The following CRHR1 variants were observed in gnomAD, a reference collection of about 807,000 sequenced individuals.
CRHR1 encodes corticotropin-releasing hormone receptor 1.
A neutral mutation model predicts 56.0 loss-of-function variants in CRHR1; 28 were observed. The observed-to-expected ratio is 0.50, with a 90% CI of 0.37 to 0.69. The LOEUF (loss-of-function observed/expected upper bound fraction) is 0.69. Ranked by LOEUF, CRHR1 falls within the 30% of genes least tolerant of loss-of-function variation. The probability of loss-of-function intolerance (pLI) is 0.00; values close to 1 mark genes in which losing one functional copy is unlikely to be tolerated. For synonymous variants in CRHR1, 195 were observed against 216.5 expected (o/e 0.90, Z 0.87); for missense variants, 376 against 548.0 (o/e 0.69, Z 3.13).
chr17:45,833,550 C>G lies in CRHR1; in HGVS notation c.929+13C>G. On this transcript the variant is annotated intron_variant, in intron 10 of 12. Transcript: ENST00000314537. ...CCATTCAGTACAGGTAACCGGGTAC[C>G]ACCTTCCTCAGGCCTCCCCCTGATG... 1 of 1,613,166 alleles carries G rather than the reference C, an allele frequency of 6.2e-7. No homozygotes were observed. Among genetic ancestry groups the G allele is most frequent in the Non-Finnish European group, 8.5e-7 (1 of 1,179,302 alleles).
chr17:45,787,736 C>G (rs928874723), intron 1 of CRHR1, among the ~76,000 whole-genome samples: 11 of 152,194 alleles, frequency 7.2e-5, no homozygotes, highest in Non-Finnish European at 1.3e-4. Context: ...ACTTTGCCAT[C>G]CCTATATCGG....
chr17:45,819,839 G>A (rs1272352185), intron 3 of CRHR1, among the ~76,000 whole-genome samples: 5 of 152,198 alleles, frequency 3.3e-5, no homozygotes, highest in African/African-American at 4.8e-5. Flanking sequence ...GGAGTAGTGC[G>A]AGAGAGGAGA....
intron 4 of CRHR1, 95 bp from the exon 5 acceptor site, chr17:45,829,120 T>G: frequency 1.1e-6 from 1 of 936,186 alleles, no homozygotes; most frequent in Non-Finnish European, 1.7e-6. Flanking sequence ...CTTGAGATCA[T>G]GACCCGCTCC....
At chr17:45,813,200 G>A (rs549364592) in intron 2 of CRHR1, among the ~76,000 whole-genome samples, 18 of 152,284 alleles carry the variant, frequency 1.2e-4, no homozygotes, top group Admixed American at 9.1e-4. Flanking sequence ...GGAGCGTGGC[G>A]CCTGAGGCCC....
chr17:45,795,332 A>C (rs937426679), intron 1 of CRHR1, among the ~76,000 whole-genome samples: 8 of 152,042 alleles, frequency 5.3e-5, no homozygotes, highest in African/African-American at 1.9e-4. Flanking sequence ...CGCCCCCATA[A>C]TGGGCAGGCA....
At chr17:45,831,460 T>G (rs55865707) in intron 8 of CRHR1, among the ~76,000 whole-genome samples, 21,814 of 152,296 alleles carry the variant, frequency 0.14, 2,134 homozygotes, top group Middle Eastern at 0.22. Flanking sequence ...TTCTTCCAGC[T>G]CTGAAGTTCT....
Position 45,786,636 on chromosome 17 carries a change from C to CTT in CRHR1, c.33+2078_33+2079dup, listed in dbSNP as rs34895436. Reference sequence around the variant, plus strand: ...TTGTTTGCTTTTACCAGAAAATATCCTTTTTTTTTTTTTTTTTTTTCAAGA... The same window carrying CTT: ...TTGTTTGCTTTTACCAGAAAATATCCTTTTTTTTTTTTTTTTTTTTTTCAAGA... On this transcript the variant is annotated intron_variant, in intron 1 of 12. Transcript: ENST00000314537. Among the ~76,000 whole-genome samples the CTT allele has an allele frequency of 4.0e-3, 434 of 108,368 alleles. 12 individuals carry two copies. The highest frequency in any genetic ancestry group is 0.023 in the East Asian group (79 of 3,454). The allele number at this position is 108,368 out of a possible 152,430, so 71.1% of individuals were successfully genotyped here. A position where few individuals can be genotyped will look rare whatever the true frequency, so the allele number is the denominator to read the frequency against.
intron 1 of CRHR1, among the ~76,000 whole-genome samples, chr17:45,793,228 G>C (rs374050079): frequency 6.6e-6 from 1 of 152,238 alleles, no homozygotes; most frequent in African/African-American, 2.4e-5. Context: ...TTCCGCCTCC[G>C]GTCCCCATAG....
chr17:45,814,136 GGTGTGTTCC>G (rs1317236492), intron 2 of CRHR1, among the ~76,000 whole-genome samples: 5 of 152,242 alleles, frequency 3.3e-5, no homozygotes, highest in African/African-American at 1.2e-4. Flanking sequence ...TGATGGAGAG[GGTGTGTTCC>G]GTGTGTTCAT....
In CRHR1 at chr17:45,784,811, G is replaced by A. The variant is rs932368438; in HGVS notation, c.33+234G>A. 1.3e-5 allele frequency among the ~76,000 whole-genome samples: 2 copies of A among 152,174 alleles called. No homozygotes were observed. The highest frequency in any genetic ancestry group is 1.9e-4 in the East Asian group (1 of 5,178). On this transcript the variant is annotated intron_variant, in intron 1 of 12. Transcript: ENST00000314537. The surrounding 1 kb of genome is among the most constrained non-coding windows in gnomAD (Gnocchi z 4.2). ...TCGTGGCGAAGCCGCCGGGATGTTG[G>A]CGGAGGAGGGGGTCCGCCCACCCGG...
At chr17:45,833,426 G>A (rs544964855) in intron 9 of CRHR1, 26 bp from the exon 10 acceptor site, 73 of 1,611,706 alleles carry the variant, frequency 4.5e-5, no homozygotes, top group Admixed American at 1.5e-4. Context: ...TGCACACTCC[G>A]GCCCGCTGGT....
At chr17:45,833,399 C>A in intron 9 of CRHR1, 53 bp from the exon 10 acceptor site, 1 of 1,585,050 alleles carries the variant, frequency 6.3e-7, no homozygotes, top group Non-Finnish European at 8.7e-7. Context: ...GCTGAGAAGC[C>A]TGGGTCCCAA....
intron 1 of CRHR1, among the ~76,000 whole-genome samples, chr17:45,791,909 A>G (rs1241428284): frequency 6.7e-6 from 1 of 150,094 alleles, no homozygotes; most frequent in Non-Finnish European, 1.5e-5. Context: ...CGAGTGAGCT[A>G]CTTTGCAGTG....
chr17:45,814,435 C>T (rs752669531), intron 2 of CRHR1, among the ~76,000 whole-genome samples: 4 of 152,214 alleles, frequency 2.6e-5, no homozygotes, highest in Non-Finnish European at 5.9e-5. Flanking sequence ...GCCTATGAGT[C>T]TTGGTTCTTT....
intron 1 of CRHR1, among the ~76,000 whole-genome samples, chr17:45,787,222 A>G (rs1292420801): frequency 6.6e-6 from 1 of 152,104 alleles, no homozygotes; most frequent in Non-Finnish European, 1.5e-5. Context: ...GGGAGAGACG[A>G]TGTGTGTACA....
intron 7 of CRHR1, 106 bp downstream of exon 7, chr17:45,830,676 G>A: frequency 7.0e-7 from 1 of 1,428,766 alleles, no homozygotes; most frequent in Non-Finnish European, 9.4e-7. Flanking sequence ...ATGGAGGTCG[G>A]GTTGGGGCGG....
rs555672312 is a variant in CRHR1 at position 45,834,907 on chromosome 17, G to C, written c.*143G>C. 40 of 1,130,454 alleles carry C rather than the reference G, an allele frequency of 3.5e-5. No individual in the cohort carries two copies. In the East Asian group the frequency reaches 9.0e-4, roughly 25 times the overall value. 70.0% of individuals were successfully genotyped at this position (1,130,454 alleles called of 1,614,324 possible). A position where few individuals can be genotyped will look rare whatever the true frequency, so the allele number is the denominator to read the frequency against. ...GCAGCTGGCACTGACAGCCTGGGGG[G>C]GCCGCTCTCCCCCTGCAGCCGTGCA... On this transcript the variant is annotated 3_prime_UTR_variant, in exon 13 of 13. Coordinates refer to ENST00000314537, the MANE Select transcript of CRHR1 (RefSeq NM_004382.5).
chr17:45,804,263 G>C (rs2061680119), intron 1 of CRHR1, among the ~76,000 whole-genome samples: 1 of 151,920 alleles, frequency 6.6e-6, no homozygotes, highest in Non-Finnish European at 1.5e-5. Context: ...GGGGTGTGAG[G>C]CTGGGGTTAT....
intron 4 of CRHR1, among the ~76,000 whole-genome samples, chr17:45,824,397 C>T (rs36048893): frequency 0.03 from 4,583 of 152,324 alleles, 76 homozygotes; most frequent in Non-Finnish European, 0.043. Context: ...CTCAACCCTC[C>T]TGAGGGTCAG....
Sources: allele counts gnomAD v4.1 joint callset (sites outside exome capture counted in the v4.1 genomes callset), GRCh38; gene constraint gnomAD v4.1.1; non-coding constraint Gnocchi (gnomAD v3.1); transcripts MANE v1.5; gene names NCBI Gene and HGNC (gene_info 2026-07-23, HGNC 2026-07-21).